Variants in PRKX observed in about 807,000 individuals in gnomAD.
PRKX encodes the protein protein kinase cAMP-dependent X-linked catalytic subunit.
A neutral mutation model predicts 22.0 loss-of-function variants in PRKX; 12 were observed. That is an observed-to-expected ratio of 0.54 (90% CI 0.35 to 0.88). PRKX has a LOEUF of 0.88. Ranked by LOEUF, PRKX falls within the 40% of genes least tolerant of loss-of-function variation. The pLI is 0.01. For synonymous variants in PRKX, 134 were observed against 137.7 expected, an observed-to-expected ratio of 0.97 and a Z score of 0.19; for missense variants, 217 against 308.0, an observed-to-expected ratio of 0.70 and a Z score of 2.21.
intron 1 of PRKX, among the ~76,000 whole-genome samples, chrX:3,708,563 T>TAAA (rs138886792): frequency 9.8e-6 from 1 of 102,208 alleles, no homozygotes. Context: ...TGTGAAAGTT[T>TAAA]AAAAAAAAAA....
At chrX:3,615,207 C>T (rs1433060477) in intron 7 of PRKX, among the ~76,000 whole-genome samples, 3 of 108,705 alleles carry the variant, frequency 2.8e-5, no homozygotes, top group African/African-American at 1.0e-4. Context: ...TCTGTAGAGG[C>T]GGGATTTCAC....
chrX:3,653,639 A>G (rs6641592), intron 3 of PRKX, among the ~76,000 whole-genome samples: 1,368 of 37,208 alleles, frequency 0.037, 51 homozygotes, highest in Middle Eastern at 0.079. Context: ...TATACTATGT[A>G]ATATATATAT....
chrX:3,627,256 T>TG (rs1926679028), intron 4 of PRKX, among the ~76,000 whole-genome samples: 2 of 108,590 alleles, frequency 1.8e-5, no homozygotes, highest in Admixed American at 9.9e-5. Flanking sequence ...GTGGCACGCG[T>TG]CCGTAATCCC....
intron 8 of PRKX, among the ~76,000 whole-genome samples, chrX:3,611,892 A>G (rs1926302657): frequency 9.0e-6 from 1 of 111,545 alleles, no homozygotes; most frequent in Non-Finnish European, 1.9e-5. Context: ...TCAAATATTC[A>G]GGCACACACA....
intron 4 of PRKX, among the ~76,000 whole-genome samples, chrX:3,630,545 G>C (rs776917659): frequency 4.5e-5 from 5 of 111,911 alleles, no homozygotes; most frequent in African/African-American, 1.6e-4. Context: ...GGGCGACAGA[G>C]CAAGACTCTG....
chrX:3,631,188 G>A (rs1237287186), intron 4 of PRKX, among the ~76,000 whole-genome samples: 1 of 111,934 alleles, frequency 8.9e-6, no homozygotes, highest in Non-Finnish European at 1.9e-5. Flanking sequence ...CAGTGGAGTG[G>A]ACGGAATGAG....
At chrX:3,699,002 G>A (rs1468542319) in intron 1 of PRKX, among the ~76,000 whole-genome samples, 11 of 95,623 alleles carry the variant, frequency 1.2e-4, no homozygotes, top group Middle Eastern at 4.8e-3. Context: ...GTCTCGCTCT[G>A]TCACAGATGT....
intron 8 of PRKX, among the ~76,000 whole-genome samples, chrX:3,611,569 AAC>A (rs200761842): frequency 0.018 from 2,030 of 111,986 alleles, 118 homozygotes; most frequent in Admixed American, 0.16. Context: ...TCAAGGAAAT[AAC>A]ACAGTCAAAA....
intron 3 of PRKX, among the ~76,000 whole-genome samples, chrX:3,650,602 G>T (rs1927307276): frequency 9.1e-6 from 1 of 109,540 alleles, no homozygotes; most frequent in Non-Finnish European, 1.9e-5. Flanking sequence ...TTCAAGGCCG[G>T]GCACGGTGGC....
chrX:3,688,678 C>G (rs150612413), intron 1 of PRKX, among the ~76,000 whole-genome samples: 1,119 of 109,740 alleles, frequency 0.01, 51 homozygotes, highest in Admixed American at 0.094. Context: ...GCCTGGGCAA[C>G]ATAGCCAGAC....
chrX:3,705,305 A>T (rs1721873218), intron 1 of PRKX, among the ~76,000 whole-genome samples: 1 of 111,236 alleles, frequency 9.0e-6, no homozygotes, highest in African/African-American at 3.3e-5. Flanking sequence ...AAGGACATTG[A>T]TCCCATTCAT....
At chrX:3,657,928 G>A (rs1337085088) in intron 2 of PRKX, among the ~76,000 whole-genome samples, 1 of 111,904 alleles carries the variant, frequency 8.9e-6, no homozygotes, top group Non-Finnish European at 1.9e-5. Context: ...ATGAAAGAAC[G>A]TTTTCACCTA....
Position 3,608,089 on chromosome X carries a change from C to T in PRKX, c.*880G>A, listed in dbSNP as rs1483011396. 1 of 109,106 alleles carries T rather than the reference C, an allele frequency of 9.2e-6. No homozygotes were observed. The highest frequency in any genetic ancestry group is 2.9e-4 in the East Asian group (1 of 3,475). The allele number at this position is 109,106 out of a possible 1,213,427, so 9.0% of individuals were successfully genotyped here. On this transcript the variant is annotated 3_prime_UTR_variant, in exon 9 of 9. Coordinates refer to ENST00000262848, the MANE Select transcript of PRKX (RefSeq NM_005044.5). ...TAGAGATGAGGTCTCACCACGTTTC[C>T]CAGACTGGTCTCCAACTCCTGGGCT...
chrX:3,628,151 A>C (rs1344658833), intron 4 of PRKX, among the ~76,000 whole-genome samples: 1 of 111,534 alleles, frequency 9.0e-6, no homozygotes, highest in African/African-American at 3.3e-5. Flanking sequence ...CAGGAAAAGA[A>C]CATTAAACAG....
At chrX:3,670,447 G>T (rs1353055683) in intron 2 of PRKX, among the ~76,000 whole-genome samples, 1 of 112,211 alleles carries the variant, frequency 8.9e-6, no homozygotes, top group Non-Finnish European at 1.9e-5. Context: ...GCTATAGCAG[G>T]TTATCATAAT....
chrX:3,681,834 G>T (rs940720550), intron 1 of PRKX, among the ~76,000 whole-genome samples: 1 of 109,850 alleles, frequency 9.1e-6, no homozygotes, highest in African/African-American at 3.3e-5. Flanking sequence ...TCTTGCCTGT[G>T]ACTTTGGAGG....
intron 1 of PRKX, among the ~76,000 whole-genome samples, chrX:3,697,577 A>C (rs1928469270): frequency 9.5e-6 from 1 of 104,853 alleles, no homozygotes; most frequent in African/African-American, 3.5e-5. Flanking sequence ...ATGCGGTCTC[A>C]CTCTGTCACC....
rs1926129479 is a variant in PRKX, at chrX:3,604,942, C to T, written c.*4027G>A. On this transcript the variant is annotated 3_prime_UTR_variant, in exon 9 of 9. Coordinates refer to ENST00000262848, the MANE Select transcript of PRKX (RefSeq NM_005044.5). The stretch of plus-strand genomic sequence containing the variant: ...AGGGACTGTTCTGCGGGGTGCAAGG[C>T]CATAAGGTTTGCAAAGCAAACTTGA... The T allele has an allele frequency of 9.2e-6, 1 of 108,211 alleles. No homozygotes were observed. The highest frequency in any genetic ancestry group is 3.4e-5 in the African/African-American group (1 of 29,561). The allele number at this position is 108,211 out of a possible 1,213,427, so 8.9% of individuals were successfully genotyped here.
At chrX:3,710,823 A>T (rs1928774502) in intron 1 of PRKX, among the ~76,000 whole-genome samples, 1 of 111,593 alleles carries the variant, frequency 9.0e-6, no homozygotes, top group Non-Finnish European at 1.9e-5. Context: ...AAGAGCACTT[A>T]AAAGCAAACT....
Sources: allele counts gnomAD v4.1 joint callset (sites outside exome capture counted in the v4.1 genomes callset), GRCh38; gene constraint gnomAD v4.1.1; transcripts MANE v1.5; gene names NCBI Gene and HGNC (gene_info 2026-07-23, HGNC 2026-07-21).